Variants in PIWIL2 observed in about 807,000 individuals in gnomAD.
PIWIL2 encodes piwi like RNA-mediated gene silencing 2.
PIWIL2 carries 81 observed loss-of-function variants against 116.5 expected under a neutral mutation model. The ratio of observed to expected loss-of-function variants is 0.70; its 90% CI spans 0.58 to 0.84. PIWIL2 has a LOEUF of 0.84. Among genes scored for constraint, PIWIL2 ranks in the 40% least tolerant of loss-of-function variants. The probability of loss-of-function intolerance (pLI) is 0.00; values close to 1 mark genes in which losing one functional copy is unlikely to be tolerated. For missense variants in PIWIL2, 1,272 were observed against 1,212.3 expected, an observed-to-expected ratio of 1.05 and a Z score of -0.73; for synonymous variants, 489 against 429.5, an observed-to-expected ratio of 1.14 and a Z score of -1.71.
intron 10 of PIWIL2, among the ~76,000 whole-genome samples, chr8:22,294,059 C>T (rs904561023): frequency 6.6e-6 from 1 of 152,038 alleles, no homozygotes. Context: ...TTGTTTTGGC[C>T]AGATGCGGTG....
rs755955839 is a variant in PIWIL2 at position 22,283,037 on chromosome 8, G to A, written c.429G>A (p.Thr143=). The A allele has an allele frequency of 8.7e-6, 14 of 1,613,386 alleles. No homozygotes were observed. Among genetic ancestry groups the A allele is most frequent in the South Asian group, 3.3e-5 (3 of 91,070 alleles). Residue 143 remains threonine (T), a synonymous_variant, in exon 5 of 23, where the codon ACG becomes ACA. Coordinates refer to ENST00000356766, the MANE Select transcript of PIWIL2 (RefSeq NM_018068.5). ...TGCCTCTCTCTCCACATTTCAGGAC[G>A]CTTGGAAGAGGGAGTTCAGATGCGT... ...MAETSVGWSR[T]LGRGSSDASL...
At chr8:22,320,259 CTTTTT>C (rs71544874) in intron 20 of PIWIL2, among the ~76,000 whole-genome samples, 1 of 89,602 alleles carries the variant, frequency 1.1e-5, no homozygotes, top group Non-Finnish European at 2.2e-5. Context: ...CTGCGCCCGG[CTTTTT>C]TTTTTTTTTT....
intron 10 of PIWIL2, among the ~76,000 whole-genome samples, chr8:22,303,591 G>A (rs1401903655): frequency 6.6e-6 from 1 of 152,016 alleles, no homozygotes; most frequent in Non-Finnish European, 1.5e-5. Flanking sequence ...ATGGGGTCTC[G>A]CCATGTTGCC....
intron 20 of PIWIL2, among the ~76,000 whole-genome samples, chr8:22,323,230 C>T (rs1343392977): frequency 7.1e-6 from 1 of 141,752 alleles, no homozygotes; most frequent in Non-Finnish European, 1.5e-5. Flanking sequence ...TCACTGCAAC[C>T]TCCGCCTCCC....
chr8:22,296,614 C>G (rs568269277), intron 10 of PIWIL2, among the ~76,000 whole-genome samples: 3 of 152,186 alleles, frequency 2.0e-5, no homozygotes, highest in Non-Finnish European at 1.5e-5. Context: ...ACTACTCCAT[C>G]GTCCTTGCTT....
At chr8:22,298,312 A>AAC (rs1830962710) in intron 10 of PIWIL2, among the ~76,000 whole-genome samples, 2 of 152,286 alleles carry the variant, frequency 1.3e-5, no homozygotes, top group Admixed American at 1.3e-4. Context: ...ATACTTTCAA[A>AAC]ACAAAAAGGC....
chr8:22,321,287 A>AT (rs1831592534), intron 20 of PIWIL2, among the ~76,000 whole-genome samples: 1 of 151,954 alleles, frequency 6.6e-6, no homozygotes, highest in Admixed American at 6.6e-5. Flanking sequence ...ATTGTTAAAA[A>AT]TTTTTAGTAG....
chr8:22,332,800 C>T (rs1425592523), intron 20 of PIWIL2, among the ~76,000 whole-genome samples: 1 of 152,070 alleles, frequency 6.6e-6, no homozygotes, highest in Non-Finnish European at 1.5e-5. Context: ...AAAAAATAGA[C>T]TGTCACCAGC....
intron 8 of PIWIL2, among the ~76,000 whole-genome samples, chr8:22,288,898 G>A (rs1003124233): frequency 2.0e-5 from 3 of 152,278 alleles, no homozygotes; most frequent in Admixed American, 6.5e-5. Flanking sequence ...ATAGGGGAAC[G>A]GGTTCCTCCA....
intron 10 of PIWIL2, among the ~76,000 whole-genome samples, chr8:22,300,882 A>G (rs1831030185): frequency 6.6e-6 from 1 of 152,230 alleles, no homozygotes; most frequent in Non-Finnish European, 1.5e-5. Flanking sequence ...AATTCATTAC[A>G]TATAAGAAGT....
At chr8:22,340,223 T>C (rs1040507516) in intron 20 of PIWIL2, among the ~76,000 whole-genome samples, 3 of 151,838 alleles carry the variant, frequency 2.0e-5, no homozygotes, top group Non-Finnish European at 2.9e-5. Context: ...TGGCTAATTT[T>C]TTTTTGTATT....
chr8:22,310,371 G>A (rs1020851133), intron 15 of PIWIL2, among the ~76,000 whole-genome samples: 2 of 151,904 alleles, frequency 1.3e-5, no homozygotes, highest in East Asian at 1.9e-4. Flanking sequence ...CTTTTTCCCC[G>A]GGAGTATCTA....
At chr8:22,344,597 A>G (rs977366853) in intron 20 of PIWIL2, among the ~76,000 whole-genome samples, 6 of 152,156 alleles carry the variant, frequency 3.9e-5, no homozygotes, top group Non-Finnish European at 8.8e-5. Flanking sequence ...GCCAGGTATG[A>G]TGGCTCATGC....
chr8:22,279,659 A>C, intron 2 of PIWIL2, 75 bp downstream of exon 2: 1 of 1,415,664 alleles, frequency 7.1e-7, no homozygotes, highest in Non-Finnish European at 9.9e-7. Context: ...ATGGATTTCA[A>C]AGTGCTTGCA....
rs1389678581 is a variant in PIWIL2, at chr8:22,293,595, G to A, written c.1181+3249G>A. Among the ~76,000 whole-genome samples, 4 of 152,166 alleles carry A rather than the reference G, an allele frequency of 2.6e-5. No homozygotes were observed. The East Asian group carries it at 7.7e-4, about 29-fold the overall frequency. ...CTGCCTCAGCTTCCCAAAGTGCTGG[G>A]ATTACAGGCATGAACCACCACGCCA... is the stretch of plus-strand genomic sequence containing the variant. On this transcript the variant is annotated intron_variant, in intron 10 of 22. Transcript: ENST00000356766.
intron 10 of PIWIL2, among the ~76,000 whole-genome samples, chr8:22,296,902 A>G (rs1433965402): frequency 1.3e-5 from 2 of 151,578 alleles, no homozygotes; most frequent in South Asian, 2.1e-4. Flanking sequence ...ATGTTTTCCA[A>G]CTTGCCTTTA....
chr8:22,341,632 A>C (rs375491689), intron 20 of PIWIL2, among the ~76,000 whole-genome samples: 184 of 151,460 alleles, frequency 1.2e-3, no homozygotes, highest in African/African-American at 4.1e-3. Flanking sequence ...GCACGTTAGG[A>C]ATAGAGGGGA....
intron 20 of PIWIL2, chr8:22,352,745 C>T: frequency 2.1e-6 from 1 of 482,588 alleles, no homozygotes; most frequent in East Asian, 2.9e-5. Context: ...TGTTTTATAA[C>T]ACCTTTGCTG....
At chr8:22,324,997 A>C (rs1285297632) in intron 20 of PIWIL2, among the ~76,000 whole-genome samples, 1 of 152,216 alleles carries the variant, frequency 6.6e-6, no homozygotes, top group African/African-American at 2.4e-5. Context: ...TGAGACAATA[A>C]GTTTCTGTTG....
Sources: allele counts gnomAD v4.1 joint callset (sites outside exome capture counted in the v4.1 genomes callset), GRCh38; gene constraint gnomAD v4.1.1; transcripts MANE v1.5; gene names NCBI Gene and HGNC (gene_info 2026-07-23, HGNC 2026-07-21).